Variants in LRP2 observed in about 807,000 individuals in gnomAD.
The protein encoded by LRP2 is LDL receptor related protein 2.
LRP2 carries 172 observed loss-of-function variants against 531.0 expected under a neutral mutation model. That is an observed-to-expected ratio of 0.32 (90% CI 0.29 to 0.37). The LOEUF (loss-of-function observed/expected upper bound fraction) is 0.37, where lower values mean the gene tolerates loss of function less well. Ranked by LOEUF, LRP2 falls within the 10% of genes least tolerant of loss-of-function variation. The pLI is 1.00. For missense variants in LRP2, 5,167 were observed against 5,868.3 expected (o/e 0.88, Z 3.90); for synonymous variants, 1,992 against 2,027.6 (o/e 0.98, Z 0.47).
intron 67 of LRP2, among the ~76,000 whole-genome samples, chr2:169,152,449 TA>T (rs1378968373): frequency 1.3e-5 from 2 of 152,208 alleles, no homozygotes; most frequent in Non-Finnish European, 2.9e-5. Flanking sequence ...TACTGAAAGT[TA>T]ATTTTGGAAT....
chr2:169,274,576 C>T (rs1023696098), intron 14 of LRP2, among the ~76,000 whole-genome samples: 1 of 152,054 alleles, frequency 6.6e-6, no homozygotes, highest in Non-Finnish European at 1.5e-5. Flanking sequence ...AGAACAGGTG[C>T]CATACATATG....
Position 169,202,696 on chromosome 2 carries a change from C to T in LRP2, c.8209+60G>A, listed in dbSNP as rs965530955. The T allele has an allele frequency of 3.2e-6, 5 of 1,547,800 alleles. No individual in the cohort carries two copies. In the East Asian group the frequency reaches 9.0e-5, roughly 28 times the overall value. The stretch of plus-strand genomic sequence containing the variant: ...ATTCACACATAGCAGGATTCCATAC[C>T]AAACACTTGACATCAAGATGCCATT... On this transcript the variant is annotated intron_variant, in intron 43 of 78. Transcript: ENST00000649046.
intron 76 of LRP2, among the ~76,000 whole-genome samples, chr2:169,133,375 AT>A (rs1558969055): frequency 6.6e-6 from 1 of 152,196 alleles, no homozygotes; most frequent in Non-Finnish European, 1.5e-5. Flanking sequence ...TTGGATATGC[AT>A]TTGTATACAT....
At chr2:169,276,844 A>T (rs1044078970) in intron 13 of LRP2, among the ~76,000 whole-genome samples, 2 of 151,926 alleles carry the variant, frequency 1.3e-5, no homozygotes, top group Admixed American at 6.6e-5. Context: ...ATCTAAAATA[A>T]TTTTTTTTAC....
intron 3 of LRP2, 77 bp downstream of exon 3, chr2:169,318,685 T>G (rs1684831586): frequency 3.1e-6 from 5 of 1,590,534 alleles, no homozygotes; most frequent in Non-Finnish European, 4.3e-6. Context: ...ATCATCCCAT[T>G]GTGTGTAACT....
intron 16 of LRP2, among the ~76,000 whole-genome samples, chr2:169,267,406 T>C (rs1397345732): frequency 6.6e-6 from 1 of 152,082 alleles, no homozygotes; most frequent in East Asian, 1.9e-4. Flanking sequence ...ACAAACTGTC[T>C]CTCAGACCAC....
chr2:169,314,314 G>A (rs573867769), intron 3 of LRP2, among the ~76,000 whole-genome samples: 1 of 152,108 alleles, frequency 6.6e-6, no homozygotes, highest in African/African-American at 2.4e-5. Flanking sequence ...GGAAGGCTGA[G>A]GTAGGAGGAT....
At chr2:169,306,699 G>C (rs1366116108) in intron 4 of LRP2, among the ~76,000 whole-genome samples, 2 of 94,784 alleles carry the variant, frequency 2.1e-5, no homozygotes, top group Non-Finnish European at 4.0e-5. Context: ...TTACTTACCT[G>C]TTACTAGATA....
chr2:169,191,876 A>T lies in LRP2; in HGVS notation c.8988T>A (p.Asn2996Lys). Reference sequence around the variant, plus strand: ...ACAGTCCGTAACCACAGGTGAATTCATTTTCAGAGCAAGTTCTCCTGGTGC... The same window carrying T: ...ACAGTCCGTAACCACAGGTGAATTCTTTTTCAGAGCAAGTTCTCCTGGTGC... ...QNCTRRTCSE[N>K]EFTCGYGLCI... The change falls in exon 48 of 79, where the codon AAT becomes AAA. Residue 2996 changes from asparagine to lysine, a missense_variant. Asn to Lys is a moderately conservative substitution (Grantham distance 94). This residue lies in a region of LRP2 where 1,129 missense variants were observed against 1,362.7 expected (regional missense o/e 0.83). Transcript: ENST00000649046. The T allele has an allele frequency of 6.2e-7, 1 of 1,614,108 alleles. No individual in the cohort carries two copies.
chr2:169,190,914 G>A (rs534946899), intron 48 of LRP2, among the ~76,000 whole-genome samples: 2 of 152,278 alleles, frequency 1.3e-5, no homozygotes, highest in South Asian at 4.1e-4. Context: ...TTTGTTAAGT[G>A]GGATGATGAG....
chr2:169,344,556 A>G (rs1185418573), intron 1 of LRP2, among the ~76,000 whole-genome samples: 1 of 152,216 alleles, frequency 6.6e-6, no homozygotes, highest in Non-Finnish European at 1.5e-5. Flanking sequence ...TGCAGTCAAT[A>G]TATCCCAATA....
Position 169,313,487 on chromosome 2 carries a change from G to C in LRP2, c.310+5275C>G, listed in dbSNP as rs1031290267. On this transcript the variant is annotated intron_variant, in intron 3 of 78. Transcript: ENST00000649046. ...TTGCTGGAGGTCCACTCCAGACCCT[G>C]TTTGCCTGGGTATCATCAGTGGAGT... Among the ~76,000 whole-genome samples, 6 of 152,166 alleles carry C rather than the reference G, an allele frequency of 3.9e-5. No individual in the cohort carries two copies. The East Asian group carries it at 5.8e-4, about 15-fold the overall frequency.
At chr2:169,329,692 G>C (rs927642396) in intron 1 of LRP2, among the ~76,000 whole-genome samples, 1 of 152,212 alleles carries the variant, frequency 6.6e-6, no homozygotes. Context: ...AGCCCAGTGA[G>C]CAGGCTGGTA....
At chr2:169,338,372 GAA>G (rs1685469945) in intron 1 of LRP2, among the ~76,000 whole-genome samples, 1 of 107,048 alleles carries the variant, frequency 9.3e-6, no homozygotes, top group Non-Finnish European at 1.9e-5. Flanking sequence ...AAGAAAGAAA[GAA>G]AGAAAGAAAG....
At chr2:169,299,189 G>GA (rs1553511016) in intron 4 of LRP2, among the ~76,000 whole-genome samples, 3 of 150,552 alleles carry the variant, frequency 2.0e-5, no homozygotes, top group Admixed American at 2.0e-4. Context: ...AAGAAAGAAA[G>GA]AAATTCAGCA....
intron 1 of LRP2, 87 bp downstream of exon 1, chr2:169,362,234 C>G (rs1264928155): frequency 8.4e-7 from 1 of 1,189,416 alleles, no homozygotes; most frequent in Non-Finnish European, 1.2e-6. Context: ...CCTGCCCGGA[C>G]GCTCTCCCCT....
At chr2:169,234,192 C>G (rs933524815) in intron 29 of LRP2, among the ~76,000 whole-genome samples, 1 of 152,026 alleles carries the variant, frequency 6.6e-6, no homozygotes, top group Non-Finnish European at 1.5e-5. Flanking sequence ...AGGTTTGTTA[C>G]ATAGGTATAC....
intron 70 of LRP2, among the ~76,000 whole-genome samples, chr2:169,144,779 C>T (rs956460657): frequency 1.1e-4 from 17 of 152,120 alleles, no homozygotes; most frequent in Non-Finnish European, 2.2e-4. Context: ...CTCAAAATAT[C>T]AGCAGACTCA....
chr2:169,232,521 A>G (rs572668580), intron 30 of LRP2, among the ~76,000 whole-genome samples: 42 of 152,340 alleles, frequency 2.8e-4, no homozygotes, highest in African/African-American at 9.6e-4. Flanking sequence ...TATATATTCG[A>G]GCAAAAAGAA....
Sources: allele counts gnomAD v4.1 joint callset (sites outside exome capture counted in the v4.1 genomes callset), GRCh38; gene constraint gnomAD v4.1.1; regional missense constraint gnomAD v4.1.1; transcripts MANE v1.5; gene names NCBI Gene and HGNC (gene_info 2026-07-23, HGNC 2026-07-21).